GATB: variants seen among roughly 807,000 people sequenced by gnomAD.
The protein encoded by GATB is glutamyl-tRNA(Gln) amidotransferase subunit B, mitochondrial.
In GATB, 39 loss-of-function variants were observed where a neutral mutation model predicts 62.3. The ratio of observed to expected loss-of-function variants is 0.63; its 90% confidence interval spans 0.48 to 0.82. The LOEUF (loss-of-function observed/expected upper bound fraction) is 0.82, where lower values mean the gene tolerates loss of function less well. Ranked by LOEUF, GATB falls within the 40% of genes least tolerant of loss-of-function variation. The pLI is 0.00. For synonymous variants in GATB, 276 were observed against 258.9 expected (o/e 1.07, Z -0.63); for missense variants, 670 against 684.0 (o/e 0.98, Z 0.23).
chr4:151,680,025 G>C (rs1738103977), intron 10 of GATB, 134 bp from the exon 11 acceptor site: 2 of 676,310 alleles, frequency 3.0e-6, no homozygotes, highest in Non-Finnish European at 5.2e-6. Context: ...AAAACAGCAG[G>C]CCAACTGGGC....
At chr4:151,691,568 C>T (rs1468875059) in intron 9 of GATB, 1 of 152,244 alleles carries the variant, frequency 6.6e-6, no homozygotes, top group African/African-American at 2.4e-5. Context: ...GACCTGCTCA[C>T]CACCACTGCC....
chr4:151,705,267 A>G lies in GATB; in HGVS notation c.880T>C (p.Tyr294His), dbSNP rs1200464771. The change falls in exon 7 of 13, where the codon TAT becomes CAT. Residue 294 changes from tyrosine to histidine, a missense_variant and splice_region_variant. Coordinates refer to ENST00000263985, the MANE Select transcript of GATB (RefSeq NM_004564.3). ...TCATTGATTTGCCTCTGAATTTCAT[A>G]GTCTAGGAAAAACACACTAATTTAG... ...SIRFLAKAID[Y>H]EIQRQINELE... 1.2e-6 allele frequency: 2 copies of G among 1,603,150 alleles called. No individual in the cohort carries two copies. The highest frequency in any genetic ancestry group is 2.2e-5 in the South Asian group (2 of 90,828).
intron 2 of GATB, among the ~76,000 whole-genome samples, chr4:151,733,284 GA>G (rs1739304657): frequency 6.6e-6 from 1 of 152,100 alleles, no homozygotes; most frequent in South Asian, 2.1e-4. Context: ...CGAAACAGGA[GA>G]TATTACAACT....
chr4:151,736,383 T>C (rs1739375085), intron 2 of GATB, among the ~76,000 whole-genome samples: 1 of 152,246 alleles, frequency 6.6e-6, no homozygotes, highest in Non-Finnish European at 1.5e-5. Flanking sequence ...TACTTTTAGC[T>C]TCCCCCAAAG....
intron 10 of GATB, among the ~76,000 whole-genome samples, chr4:151,686,486 C>A (rs1230382270): frequency 6.6e-6 from 1 of 152,054 alleles, no homozygotes; most frequent in South Asian, 2.1e-4. Flanking sequence ...GACACACCCA[C>A]CCAGCCTGGG....
chr4:151,679,782 C>T (rs1308113170), intron 11 of GATB, 31 bp downstream of exon 11: 2 of 1,580,070 alleles, frequency 1.3e-6, no homozygotes, highest in Non-Finnish European at 1.7e-6. Flanking sequence ...GACAGTAGCA[C>T]AGTCAGAAGC....
chr4:151,745,550 T>C (rs1166336520), intron 2 of GATB, among the ~76,000 whole-genome samples: 2 of 152,232 alleles, frequency 1.3e-5, no homozygotes, highest in Non-Finnish European at 2.9e-5. Flanking sequence ...CACTATTTCT[T>C]CAGGGAGGCA....
At chr4:151,686,987 C>T (rs919787288) in intron 10 of GATB, 1 of 152,514 alleles carries the variant, frequency 6.6e-6, no homozygotes, top group Non-Finnish European at 1.5e-5. Context: ...CTCATCCTCT[C>T]CTCAGGTCTT....
At chr4:151,746,401 A>G (rs1005852204) in intron 2 of GATB, among the ~76,000 whole-genome samples, 1 of 152,242 alleles carries the variant, frequency 6.6e-6, no homozygotes, top group African/African-American at 2.4e-5. Context: ...TACAAGTAGA[A>G]AAATTGGAAT....
chr4:151,732,287 A>T lies in GATB; in HGVS notation c.328-12749T>A, dbSNP rs536225120. 3.9e-5 allele frequency among the ~76,000 whole-genome samples: 6 copies of T among 152,318 alleles called. No homozygotes were observed. The East Asian group carries it at 1.2e-3, about 29-fold the overall frequency. ...GGTTTTGTGGAATAGAAAAGGGGGA[A>T]AGGTGGGGAAAAGATAGAGAAATCA... is the stretch of plus-strand genomic sequence containing the variant. On this transcript the variant is annotated intron_variant, in intron 2 of 12. Transcript: ENST00000263985.
chr4:151,694,750 T>C (rs1394490136), intron 9 of GATB, among the ~76,000 whole-genome samples: 5 of 152,186 alleles, frequency 3.3e-5, no homozygotes, highest in Admixed American at 1.3e-4. Context: ...TAAAGTAGTA[T>C]TACATATGGG....
intron 1 of GATB, among the ~76,000 whole-genome samples, chr4:151,759,723 T>C (rs1362512357): frequency 1.3e-5 from 2 of 152,202 alleles, no homozygotes. Flanking sequence ...CTTATAAATG[T>C]GCTTATTCCC....
At chr4:151,740,383 C>T (rs1015352957) in intron 2 of GATB, among the ~76,000 whole-genome samples, 36 of 152,344 alleles carry the variant, frequency 2.4e-4, no homozygotes, top group South Asian at 8.3e-4. Flanking sequence ...TAGCCTATGG[C>T]TCCTACGCTA....
intron 7 of GATB, 134 bp downstream of exon 7, chr4:151,705,051 T>C (rs1027895729): frequency 1.6e-6 from 1 of 614,968 alleles, no homozygotes; most frequent in Non-Finnish European, 2.9e-6. Context: ...ACTTTTCTAA[T>C]TGTACTAATG....
At chr4:151,727,472 A>C (rs1739158607) in intron 2 of GATB, among the ~76,000 whole-genome samples, 2 of 152,206 alleles carry the variant, frequency 1.3e-5, no homozygotes, top group Non-Finnish European at 2.9e-5. Context: ...TTAGATAGGG[A>C]GGTTACAGTG....
chr4:151,729,660 T>C (rs1486227273), intron 2 of GATB, among the ~76,000 whole-genome samples: 1 of 152,192 alleles, frequency 6.6e-6, no homozygotes, highest in Non-Finnish European at 1.5e-5. Flanking sequence ...TGGATTTCAT[T>C]GTGCTATTCT....
chr4:151,706,896 C>T (rs929936951), intron 6 of GATB, among the ~76,000 whole-genome samples: 2 of 152,192 alleles, frequency 1.3e-5, no homozygotes, highest in Non-Finnish European at 2.9e-5. Flanking sequence ...TAGATAGCTT[C>T]GGTTTTAAAA....
intron 2 of GATB, among the ~76,000 whole-genome samples, chr4:151,742,179 C>T (rs1196144650): frequency 5.3e-5 from 8 of 150,938 alleles, no homozygotes; most frequent in Non-Finnish European, 1.0e-4. Flanking sequence ...AGCTCTGCAT[C>T]CCCGGTCCAT....
In GATB at chr4:151,730,598, C is replaced by T. The variant is rs1739223966; in HGVS notation, c.328-11060G>A. On this transcript the variant is annotated intron_variant, in intron 2 of 12. Transcript: ENST00000263985. This position sits in a 1 kb window ranked among gnomAD's most constrained non-coding sequence, Gnocchi z 4.1. ...CCAATGGATGGTTCACATCACAGGA[C>T]TCTGTGCAGACAGCCCCCAGTGCCA... 2.0e-5 allele frequency among the ~76,000 whole-genome samples: 3 copies of T among 152,242 alleles called. No individual in the cohort carries two copies. The South Asian group carries it at 6.2e-4, about 31-fold the overall frequency.
Sources: gnomAD v4.1 joint callset for allele counts (sites outside exome capture counted in the v4.1 genomes callset) on GRCh38, gnomAD v4.1.1 for gene constraint, Gnocchi (gnomAD v3.1) non-coding constraint, MANE v1.5 for transcripts, NCBI Gene and HGNC (gene_info 2026-07-23, HGNC 2026-07-21) for gene names.